Variants in CACNA2D1 observed in about 807,000 individuals in gnomAD.
CACNA2D1 encodes the protein voltage-dependent calcium channel subunit alpha-2/delta-1.
Under a neutral mutation model 171.5 loss-of-function variants are expected in CACNA2D1, and 53 were observed. That is an observed-to-expected ratio of 0.31 (90% CI 0.25 to 0.39). The LOEUF (loss-of-function observed/expected upper bound fraction) is 0.39. CACNA2D1 is among the 10% of genes least tolerant of loss of function. The pLI is 1.00. For missense variants in CACNA2D1, 903 were observed against 1,299.8 expected (o/e 0.69, Z 4.69); for synonymous variants, 442 against 443.1 (o/e 1.00, Z 0.03).
At chr7:82,137,049 A>C (rs960038198) in intron 4 of CACNA2D1, among the ~76,000 whole-genome samples, 7 of 152,240 alleles carry the variant, frequency 4.6e-5, no homozygotes, top group African/African-American at 1.7e-4. Flanking sequence ...ACTTTGTTGA[A>C]GCCATGATTT....
chr7:82,337,800 G>A (rs1226534623), intron 2 of CACNA2D1, among the ~76,000 whole-genome samples: 1 of 152,068 alleles, frequency 6.6e-6, no homozygotes, highest in East Asian at 1.9e-4. Context: ...TTTTCCTCCT[G>A]ATACACTCAC....
chr7:82,286,223 G>T (rs1332291786), intron 3 of CACNA2D1, among the ~76,000 whole-genome samples: 1 of 152,062 alleles, frequency 6.6e-6, no homozygotes, highest in Non-Finnish European at 1.5e-5. Context: ...TGTTTTGGAA[G>T]AAAGGGTCCC....
chr7:82,090,377 A>G (rs1811010373), intron 6 of CACNA2D1, among the ~76,000 whole-genome samples: 1 of 152,268 alleles, frequency 6.6e-6, no homozygotes, highest in Non-Finnish European at 1.5e-5. Flanking sequence ...TATTAAAGAT[A>G]TGTAAGGGAC....
chr7:82,397,101 C>T (rs1218504985), intron 1 of CACNA2D1, among the ~76,000 whole-genome samples: 1 of 152,102 alleles, frequency 6.6e-6, no homozygotes, highest in Non-Finnish European at 1.5e-5. Flanking sequence ...GAGTACCAAC[C>T]AAAATCATTT....
intron 3 of CACNA2D1, among the ~76,000 whole-genome samples, chr7:82,312,319 A>G (rs1462976069): frequency 6.6e-6 from 1 of 152,058 alleles, no homozygotes; most frequent in Non-Finnish European, 1.5e-5. Flanking sequence ...TGATTCTCCA[A>G]TCTACTGTTT....
chr7:82,303,248 T>C (rs1011091601), intron 3 of CACNA2D1, among the ~76,000 whole-genome samples: 3 of 151,956 alleles, frequency 2.0e-5, no homozygotes, highest in African/African-American at 4.8e-5. Context: ...CTGCCCACCT[T>C]GGCCTCTACT....
At chr7:82,183,684 T>A (rs931247237) in intron 3 of CACNA2D1, among the ~76,000 whole-genome samples, 4 of 152,146 alleles carry the variant, frequency 2.6e-5, no homozygotes, top group African/African-American at 9.7e-5. Flanking sequence ...AGTAGCGACA[T>A]CTTATTCAAC....
chr7:82,006,629 A>G (rs1799147278), intron 16 of CACNA2D1, among the ~76,000 whole-genome samples: 1 of 152,154 alleles, frequency 6.6e-6, no homozygotes, highest in South Asian at 2.1e-4. Context: ...ATCAACAACT[A>G]TGCTCTTTTC....
At chr7:81,961,057 C>G (rs2130223720) in intron 36 of CACNA2D1, among the ~76,000 whole-genome samples, 1 of 151,926 alleles carries the variant, frequency 6.6e-6, no homozygotes, top group South Asian at 2.1e-4. Flanking sequence ...ACTATTCTGG[C>G]ACTTTCATAA....
intron 18 of CACNA2D1, among the ~76,000 whole-genome samples, chr7:82,002,021 CAAAAAA>C (rs35861959): frequency 8.1e-4 from 72 of 89,438 alleles, no homozygotes; most frequent in African/African-American, 2.8e-3. Context: ...ATTGATTTGA[CAAAAAA>C]AAAAAAAAAA....
At chr7:82,146,460 A>ATT (rs1368316195) in intron 4 of CACNA2D1, among the ~76,000 whole-genome samples, 2 of 145,528 alleles carry the variant, frequency 1.4e-5, no homozygotes, top group South Asian at 2.1e-4. Context: ...AAAGATATAT[A>ATT]TAAATATATA....
chr7:82,084,875 G>T lies in CACNA2D1; in HGVS notation c.552C>A (p.Asn184Lys). 1 of 1,613,412 alleles carries T rather than the reference G, an allele frequency of 6.2e-7. No homozygotes were observed. The highest frequency in any genetic ancestry group is 1.1e-5 in the South Asian group (1 of 91,060). The change falls in exon 7 of 39, where the codon AAC becomes AAA. Residue 184 changes from asparagine (N) to lysine (K), a missense_variant. Physicochemically the swap from Asn to Lys is moderately conservative, Grantham distance 94. This residue lies in a region of CACNA2D1 where 189 missense variants were observed against 266.8 expected (regional missense o/e 0.71). Transcript: ENST00000356860. ...EGSTIVLNEL[N>K]WTSALDEVFK... ...AAACTTCATCTAAGGCACTTGTCCA[G>T]TTGAGTTCATTTAACACAATTGTTG...
At chr7:81,981,556 T>C (rs895031914) in intron 24 of CACNA2D1, among the ~76,000 whole-genome samples, 1 of 152,200 alleles carries the variant, frequency 6.6e-6, no homozygotes, top group African/African-American at 2.4e-5. Flanking sequence ...CTTTGAGTTT[T>C]TGGAATAATT....
At chr7:82,254,515 A>G (rs1484251835) in intron 3 of CACNA2D1, among the ~76,000 whole-genome samples, 1 of 152,112 alleles carries the variant, frequency 6.6e-6, no homozygotes, top group Non-Finnish European at 1.5e-5. Flanking sequence ...ATCATCACAT[A>G]TGGTTACTAT....
Position 81,967,605 on chromosome 7 carries a change from G to C in CACNA2D1, c.2454C>G (p.Ile818Met). ...TTTAAAAATATCTTACCGGATCTCT[G>C]ATTGAGGTTTTGGTGAAATTCTCTA... ...SWIENFTKTS[I>M]RDPCAGPVCD... The change falls in exon 30 of 39, where the codon ATC becomes ATG. Residue 818 changes from isoleucine to methionine, a missense_variant. Ile to Met is a conservative substitution (Grantham distance 10). Transcript: ENST00000356860. The C allele has an allele frequency of 1.3e-6, 2 of 1,497,304 alleles. No individual in the cohort carries two copies. The highest frequency in any genetic ancestry group is 1.9e-6 in the Non-Finnish European group (2 of 1,080,710). 92.8% of individuals were successfully genotyped at this position (1,497,304 alleles called of 1,614,324 possible).
chr7:82,258,049 C>G (rs192415757), intron 3 of CACNA2D1, among the ~76,000 whole-genome samples: 1 of 152,152 alleles, frequency 6.6e-6, no homozygotes, highest in Non-Finnish European at 1.5e-5. Flanking sequence ...CAGGTAAAGC[C>G]ATTTGCTTCT....
intron 3 of CACNA2D1, among the ~76,000 whole-genome samples, chr7:82,225,386 T>C (rs1802249843): frequency 6.6e-6 from 1 of 152,216 alleles, no homozygotes; most frequent in African/African-American, 2.4e-5. Flanking sequence ...GTTCATTGAA[T>C]TGCGGTGTTA....
intron 3 of CACNA2D1, among the ~76,000 whole-genome samples, chr7:82,274,089 A>T (rs566704485): frequency 2.6e-5 from 4 of 152,188 alleles, no homozygotes; most frequent in Admixed American, 2.6e-4. Flanking sequence ...CTCCAACCAC[A>T]GTGACCCTCC....
chr7:82,037,249 C>T (rs1035322272), intron 11 of CACNA2D1, among the ~76,000 whole-genome samples: 1 of 152,118 alleles, frequency 6.6e-6, no homozygotes, highest in Non-Finnish European at 1.5e-5. Context: ...GAGGCCAAGG[C>T]GGGTGGATCA....
Sources: allele counts gnomAD v4.1 joint callset (sites outside exome capture counted in the v4.1 genomes callset), GRCh38; gene constraint gnomAD v4.1.1; regional missense constraint gnomAD v4.1.1; transcripts MANE v1.5; gene names NCBI Gene and HGNC (gene_info 2026-07-23, HGNC 2026-07-21).